The following ASPH variants were observed in gnomAD, a reference collection of about 807,000 sequenced individuals.
ASPH encodes the protein aspartyl/asparaginyl beta-hydroxylase.
A neutral mutation model predicts 118.4 loss-of-function variants in ASPH; 100 were observed. That is an observed-to-expected ratio of 0.84 (90% CI 0.72 to 1.00). The LOEUF (loss-of-function observed/expected upper bound fraction) is 1.00. Ranked by LOEUF, ASPH falls within the 50% of genes least tolerant of loss-of-function variation. The pLI is 0.00. For missense variants in ASPH, 920 were observed against 919.5 expected, an observed-to-expected ratio of 1.00 and a Z score of -0.01; for synonymous variants, 315 against 325.6, an observed-to-expected ratio of 0.97 and a Z score of 0.35.
intron 17 of ASPH, among the ~76,000 whole-genome samples, chr8:61,564,669 G>A (rs1831059470): frequency 6.6e-6 from 1 of 152,200 alleles, no homozygotes; most frequent in Non-Finnish European, 1.5e-5. Context: ...TGCCTTTTCT[G>A]TGCTGAATTT....
intron 5 of ASPH, among the ~76,000 whole-genome samples, chr8:61,649,124 T>G (rs1809588899): frequency 6.6e-6 from 1 of 152,094 alleles, no homozygotes; most frequent in African/African-American, 2.4e-5. Flanking sequence ...GAGACCCAGC[T>G]GGATGCTACT....
chr8:61,518,486 A>C (rs1385812266), intron 22 of ASPH, among the ~76,000 whole-genome samples: 3 of 152,188 alleles, frequency 2.0e-5, no homozygotes, highest in African/African-American at 4.8e-5. Context: ...TTGACTCCCC[A>C]AAAACTTAAC....
chr8:61,702,938 CA>C (rs1835630147), intron 1 of ASPH, among the ~76,000 whole-genome samples: 1 of 151,912 alleles, frequency 6.6e-6, no homozygotes. Flanking sequence ...GAAGGAGAAG[CA>C]GGGGGAGAGG....
At chr8:61,541,671 C>T (rs990284554) in intron 21 of ASPH, among the ~76,000 whole-genome samples, 67 of 152,144 alleles carry the variant, frequency 4.4e-4, no homozygotes, top group African/African-American at 1.6e-3. Flanking sequence ...GTCATCCTGA[C>T]GTTACTTTTT....
intron 14 of ASPH, among the ~76,000 whole-genome samples, chr8:61,607,541 A>C (rs950979339): frequency 1.3e-5 from 2 of 152,150 alleles, no homozygotes; most frequent in Non-Finnish European, 2.9e-5. Flanking sequence ...CTAGTAGTAA[A>C]TAATTTAGGA....
intron 22 of ASPH, 66 bp downstream of exon 22, chr8:61,525,909 ACT>A: frequency 1.3e-6 from 2 of 1,589,270 alleles, no homozygotes; most frequent in Non-Finnish European, 8.6e-7. Context: ...TCACCAGAAG[ACT>A]CTTGTCAGTA....
At chr8:61,519,483 C>T (rs1181095327) in intron 22 of ASPH, among the ~76,000 whole-genome samples, 1 of 152,150 alleles carries the variant, frequency 6.6e-6, no homozygotes, top group Admixed American at 6.5e-5. Flanking sequence ...TCCCCTGTGA[C>T]AGGAAAAATA....
chr8:61,582,891 A>G (rs1294193725), intron 15 of ASPH: 3 of 152,316 alleles, frequency 2.0e-5, no homozygotes, highest in African/African-American at 7.2e-5. Flanking sequence ...ATTTCCGCCA[A>G]AAACAAGGAG....
At chr8:61,644,864 C>T (rs886562511) in intron 6 of ASPH, among the ~76,000 whole-genome samples, 1 of 152,312 alleles carries the variant, frequency 6.6e-6, no homozygotes, top group Admixed American at 6.5e-5. Context: ...CTGACAACCA[C>T]CACCCCCTGG....
chr8:61,657,646 T>C (rs911941458), intron 3 of ASPH: 2 of 152,084 alleles, frequency 1.3e-5, no homozygotes, highest in African/African-American at 4.8e-5. Context: ...TGGGCACATA[T>C]TTGGCACCAA....
chr8:61,571,493 A>T (rs992664614), intron 16 of ASPH, among the ~76,000 whole-genome samples: 1 of 152,220 alleles, frequency 6.6e-6, no homozygotes, highest in Non-Finnish European at 1.5e-5. Context: ...ATTATACCCA[A>T]TACAATGTAA....
At chr8:61,609,590 T>TA (rs1169983320) in intron 14 of ASPH, among the ~76,000 whole-genome samples, 2 of 151,982 alleles carry the variant, frequency 1.3e-5, no homozygotes, top group Non-Finnish European at 2.9e-5. Flanking sequence ...CAGGATGTAA[T>TA]AAAATCACTC....
chr8:61,540,678 C>G (rs1413178613), intron 21 of ASPH, among the ~76,000 whole-genome samples: 1 of 152,116 alleles, frequency 6.6e-6, no homozygotes, highest in Non-Finnish European at 1.5e-5. Context: ...CAAGGGCATA[C>G]AGAAATTCAA....
At chr8:61,693,790 A>C (rs1833272354) in intron 1 of ASPH, among the ~76,000 whole-genome samples, 1 of 152,080 alleles carries the variant, frequency 6.6e-6, no homozygotes, top group Non-Finnish European at 1.5e-5. Flanking sequence ...TCCTGCCTTC[A>C]TATCCATCAG....
At chr8:61,529,035 G>A (rs1423399566) in intron 21 of ASPH, among the ~76,000 whole-genome samples, 1 of 151,576 alleles carries the variant, frequency 6.6e-6, no homozygotes, top group African/African-American at 2.4e-5. Flanking sequence ...ATTTTACATT[G>A]GGAAGGAACC....
chr8:61,674,695 C>A (rs537817001), intron 3 of ASPH, among the ~76,000 whole-genome samples: 8 of 152,254 alleles, frequency 5.3e-5, no homozygotes, highest in Non-Finnish European at 1.0e-4. Flanking sequence ...ATTATGACAG[C>A]CTACAAGAGT....
chr8:61,589,731 T>C (rs1307236326), intron 14 of ASPH, among the ~76,000 whole-genome samples: 1 of 152,200 alleles, frequency 6.6e-6, no homozygotes, highest in Admixed American at 6.5e-5. Context: ...GTTTATTCAC[T>C]CAAGAATTTG....
chr8:61,583,253 A>G (rs1341708219), intron 15 of ASPH: 3 of 3,200 alleles, frequency 9.4e-4, no homozygotes, highest in Admixed American at 5.8e-3. Flanking sequence ...TGACAGTGTT[A>G]TTATTATTAT....
chr8:61,574,195 A>T (rs1420822151), intron 16 of ASPH, among the ~76,000 whole-genome samples: 1 of 152,244 alleles, frequency 6.6e-6, no homozygotes, highest in Non-Finnish European at 1.5e-5. Flanking sequence ...AAGTCAGGAA[A>T]CAACAGATTA....
Sources: gnomAD v4.1 joint callset for allele counts (sites outside exome capture counted in the v4.1 genomes callset) on GRCh38, gnomAD v4.1.1 for gene constraint, MANE v1.5 for transcripts, NCBI Gene and HGNC (gene_info 2026-07-23, HGNC 2026-07-21) for gene names.